Variants in RIPOR3 observed in about 807,000 individuals in gnomAD.
RIPOR3 encodes the protein RIPOR family member 3.
In RIPOR3, 95 loss-of-function variants were observed where a neutral mutation model predicts 114.3. The ratio of observed to expected loss-of-function variants is 0.83; its 90% CI spans 0.70 to 0.99. The LOEUF (loss-of-function observed/expected upper bound fraction) is 0.99. Among genes scored for constraint, RIPOR3 ranks in the 50% least tolerant of loss-of-function variants. The pLI is 0.00. For synonymous variants in RIPOR3, 575 were observed against 543.8 expected, an observed-to-expected ratio of 1.06 and a Z score of -0.80; for missense variants, 1,252 against 1,266.9, an observed-to-expected ratio of 0.99 and a Z score of 0.18.
At chr20:50,594,771 A>T in intron 16 of RIPOR3, 57 bp from the exon 17 acceptor site, 1 of 1,557,334 alleles carries the variant, frequency 6.4e-7, no homozygotes, top group Non-Finnish European at 8.7e-7. Context: ...CATGACAAGG[A>T]CCCGAAAGGT....
At chr20:50,604,424 G>A (rs1379695911) in intron 12 of RIPOR3, among the ~76,000 whole-genome samples, 3 of 152,194 alleles carry the variant, frequency 2.0e-5, no homozygotes, top group African/African-American at 4.8e-5. Flanking sequence ...AGAGCCCACT[G>A]CAGATGTCCT....
chr20:50,604,680 G>A lies in RIPOR3; in HGVS notation c.1051C>T (p.Pro351Ser), dbSNP rs201092069. 5.3e-5 allele frequency: 85 copies of A among 1,609,358 alleles called. No individual in the cohort carries two copies. The East Asian group carries it at 1.9e-3, about 35-fold the overall frequency. ...RKGSLYNWTP[P>S]STPSFRERYY... ...CTCTCCCGGAAGCTGGGGGTGCTCG[G>A]GGGTGTCCAGTTGTACAAGGAGCCC... The change falls in exon 12 of 22, where the codon CCG (proline) becomes TCG (serine). Residue 351 changes from proline to serine, a missense_variant. Physicochemically the swap from Pro to Ser is moderately conservative, Grantham distance 74. Transcript: ENST00000327979.
At chr20:50,617,564 A>G (rs2084223331) in intron 3 of RIPOR3, among the ~76,000 whole-genome samples, 1 of 149,922 alleles carries the variant, frequency 6.7e-6, no homozygotes, top group South Asian at 2.1e-4. Context: ...ATTACAGGGT[A>G]GCCACCGCTG....
chr20:50,609,765 G>T, intron 6 of RIPOR3, 43 bp from the exon 7 acceptor site: 1 of 1,355,432 alleles, frequency 7.4e-7, no homozygotes. Flanking sequence ...CACGCGGAGG[G>T]GCGGCCCCAC....
At chr20:50,618,869 G>T (rs1037060776) in intron 3 of RIPOR3, among the ~76,000 whole-genome samples, 2 of 152,160 alleles carry the variant, frequency 1.3e-5, no homozygotes, top group African/African-American at 4.8e-5. Context: ...TGAGTCAGGA[G>T]TTCAAGACCA....
chr20:50,637,481 TTCTGATTG>T (rs1231257818), intron 1 of RIPOR3, among the ~76,000 whole-genome samples: 3 of 152,174 alleles, frequency 2.0e-5, no homozygotes, highest in Non-Finnish European at 1.5e-5. Context: ...TAACTCATGG[TTCTGATTG>T]TCTTATTCAT....
chr20:50,637,451 C>T (rs1293223455), intron 1 of RIPOR3, among the ~76,000 whole-genome samples: 2 of 152,174 alleles, frequency 1.3e-5, no homozygotes, highest in Non-Finnish European at 2.9e-5. Context: ...TGGACTTGCC[C>T]CTCACCCGTA....
At chr20:50,679,727 C>T (rs1308499352) in intron 1 of RIPOR3, among the ~76,000 whole-genome samples, 1 of 151,126 alleles carries the variant, frequency 6.6e-6, no homozygotes, top group African/African-American at 2.4e-5. Context: ...CGAGATCGCG[C>T]CACTGCACTC....
rs35946931 is a variant in RIPOR3 at position 50,679,601 on chromosome 20, CAAAAAA to C, written c.3+11519_3+11524del. ...TGAAACCCTGTCTCTACTAAAAATACAAAAAAAAAAAAAAAAAATTAGCCGGGCGTG... is the reference window on the plus strand; with the variant it reads ...TGAAACCCTGTCTCTACTAAAAATACAAAAAAAAAAAATTAGCCGGGCGTG... On this transcript the variant is annotated intron_variant, in intron 1 of 21. Coordinates refer to ENST00000327979, the MANE Select transcript of RIPOR3 (RefSeq NM_001290268.2). 5.8e-5 allele frequency among the ~76,000 whole-genome samples: 7 copies of C among 120,632 alleles called. 1 individual carries two copies. Among genetic ancestry groups the C allele is most frequent in the African/African-American group, 6.6e-5 (2 of 30,268 alleles). The allele number at this position is 120,632 out of a possible 152,430, so 79.1% of individuals were successfully genotyped here.
intron 1 of RIPOR3, among the ~76,000 whole-genome samples, chr20:50,637,956 C>T (rs2085050530): frequency 6.6e-6 from 1 of 151,634 alleles, no homozygotes; most frequent in Non-Finnish European, 1.5e-5. Flanking sequence ...TTATGTCACC[C>T]AGGCTGGTCT....
At chr20:50,611,782 TATTTCA>T (rs370987386) in intron 4 of RIPOR3, among the ~76,000 whole-genome samples, 116 of 152,080 alleles carry the variant, frequency 7.6e-4, no homozygotes, top group African/African-American at 2.6e-3. Flanking sequence ...AGAGAGTAAA[TATTTCA>T]GGCTTGGCAG....
chr20:50,618,121 G>C (rs2084246819), intron 3 of RIPOR3, among the ~76,000 whole-genome samples: 1 of 151,922 alleles, frequency 6.6e-6, no homozygotes, highest in Non-Finnish European at 1.5e-5. Context: ...AAACAAATTA[G>C]CCGGGCGTGG....
In RIPOR3 at chr20:50,586,538, T is replaced by A. The variant is rs2082927054; in HGVS notation, c.*694A>T. 1 of 152,836 alleles carries A rather than the reference T, an allele frequency of 6.5e-6. No homozygotes were observed. The highest frequency in any genetic ancestry group is 2.4e-5 in the African/African-American group (1 of 41,472). 9.5% of individuals were successfully genotyped at this position (152,836 alleles called of 1,614,324 possible). A position where few individuals can be genotyped will look rare whatever the true frequency, so the allele number is the denominator to read the frequency against. ...TACTGCCTGTGCTGCTCAGGGCTCC[T>A]GGGCTGATGTGGTGGCTTCTTCCCT... On this transcript the variant is annotated 3_prime_UTR_variant, in exon 22 of 22. Transcript: ENST00000327979.
Position 50,610,834 on chromosome 20 carries a change from C to G in RIPOR3, c.426+19G>C. ...GGCACTGCCCCACCCCACCCTGCAA[C>G]ATCCACGAGCCAGCTGACCTTGCTG... On this transcript the variant is annotated intron_variant, in intron 6 of 21. Coordinates refer to ENST00000327979, the MANE Select transcript of RIPOR3 (RefSeq NM_001290268.2). 1 of 1,614,180 alleles carries G rather than the reference C, an allele frequency of 6.2e-7. No homozygotes were observed. Among genetic ancestry groups the G allele is most frequent in the Non-Finnish European group, 8.5e-7 (1 of 1,180,032 alleles).
chr20:50,670,232 G>A (rs991152214), intron 1 of RIPOR3, among the ~76,000 whole-genome samples: 20 of 151,890 alleles, frequency 1.3e-4, no homozygotes, highest in African/African-American at 4.8e-4. Context: ...GCAGGCGGAG[G>A]CCCAGAGCAT....
In RIPOR3 at chr20:50,597,639, G is replaced by C. The variant is rs771480859; in HGVS notation, c.1731C>G (p.Phe577Leu). ...LMECILESFAFLNADFALDEL... is the reference protein window; with the variant it reads ...LMECILESFALLNADFALDEL... ...CATCCAGGGCGAAGTCGGCATTGAG[G>C]AAGGCGAAGCTCTCCAGGATGCACT... The change falls in exon 14 of 22, where the codon TTC (phenylalanine) becomes TTG (leucine). Residue 577 changes from phenylalanine (F) to leucine (L), a missense_variant. Physicochemically the swap from Phe to Leu is conservative, Grantham distance 22 (BLOSUM62 0). Coordinates refer to ENST00000327979, the MANE Select transcript of RIPOR3 (RefSeq NM_001290268.2). 1.1e-5 allele frequency: 17 copies of C among 1,612,296 alleles called. No homozygotes were observed. In the Admixed American group the frequency reaches 1.7e-4, roughly 16 times the overall value.
intron 1 of RIPOR3, among the ~76,000 whole-genome samples, chr20:50,663,773 C>A (rs2086088978): frequency 6.6e-6 from 1 of 152,146 alleles, no homozygotes. Flanking sequence ...AGCCATTTGT[C>A]CCCCCATCCA....
Position 50,655,669 on chromosome 20 carries a change from CTGTGTGTGTGTG to C in RIPOR3, c.4-24825_4-24814del, listed in dbSNP as rs11469999. 1.5e-4 allele frequency among the ~76,000 whole-genome samples: 22 copies of C among 145,284 alleles called. No homozygotes were observed. In the East Asian group the frequency reaches 2.9e-3, roughly 19 times the overall value. ...TCCCTCCTGTCTCGGTTAGCGTGGG[CTGTGTGTGTGTG>C]TGTGTGTGTGTGTGTGTGTGTGTCC... On this transcript the variant is annotated intron_variant, in intron 1 of 21. Coordinates refer to ENST00000327979, the MANE Select transcript of RIPOR3 (RefSeq NM_001290268.2).
At chr20:50,592,577 C>T in intron 18 of RIPOR3, 31 bp from the exon 19 acceptor site, 2 of 1,449,080 alleles carry the variant, frequency 1.4e-6, no homozygotes, top group African/African-American at 2.9e-5. Flanking sequence ...GGGCCCAGGT[C>T]CCCTGAATGG....
Sources: allele counts gnomAD v4.1 joint callset (sites outside exome capture counted in the v4.1 genomes callset), GRCh38; gene constraint gnomAD v4.1.1; transcripts MANE v1.5; gene names NCBI Gene and HGNC (gene_info 2026-07-23, HGNC 2026-07-21).